CERT1: variants seen among roughly 807,000 people sequenced by gnomAD.
CERT1 encodes ceramide transporter 1.
A neutral mutation model predicts 87.9 loss-of-function variants in CERT1; 31 were observed. The observed-to-expected ratio is 0.35, with a 90% confidence interval of 0.27 to 0.48. The LOEUF is 0.48. Among genes scored for constraint, CERT1 ranks in the 20% least tolerant of loss-of-function variants. CERT1 has a pLI of 0.99. For synonymous variants in CERT1, 289 were observed against 250.9 expected (o/e 1.15, Z -1.44); for missense variants, 487 against 758.0 (o/e 0.64, Z 4.20).
intron 16 of CERT1, 100 bp downstream of exon 16, chr5:75,380,972 A>C (rs895522311): frequency 8.0e-7 from 1 of 1,245,154 alleles, no homozygotes; most frequent in African/African-American, 1.5e-5. Flanking sequence ...TAGTAATCTA[A>C]TGGATAAGAA....
chr5:75,379,563 T>C, intron 16 of CERT1, 90 bp from the exon 17 acceptor site: 1 of 1,192,800 alleles, frequency 8.4e-7, no homozygotes. Context: ...TTTTAAAATA[T>C]TCCTCACATT....
At chr5:75,392,786 G>A (rs529580151) in intron 11 of CERT1, among the ~76,000 whole-genome samples, 2 of 151,712 alleles carry the variant, frequency 1.3e-5, no homozygotes, top group Admixed American at 6.6e-5. Flanking sequence ...TGCCTAACAT[G>A]GTAAAACCCC....
chr5:75,478,389 T>C (rs1766072700), intron 2 of CERT1, among the ~76,000 whole-genome samples: 1 of 152,000 alleles, frequency 6.6e-6, no homozygotes, highest in African/African-American at 2.4e-5. Context: ...AAATTTTAGA[T>C]ATCTGAAAGC....
intron 2 of CERT1, among the ~76,000 whole-genome samples, chr5:75,503,917 A>ATTAAACATTTAT (rs1580866991): frequency 1.3e-5 from 2 of 150,656 alleles, no homozygotes; most frequent in Admixed American, 6.6e-5. Context: ...TTTAATTTAA[A>ATTAAACATTTAT]ATTTTCTTTT....
intron 11 of CERT1, among the ~76,000 whole-genome samples, chr5:75,398,044 A>C (rs1224716491): frequency 6.6e-6 from 1 of 152,200 alleles, no homozygotes; most frequent in East Asian, 1.9e-4. Flanking sequence ...AAATTAAAAA[A>C]AAATGCATAA....
intron 6 of CERT1, 99 bp from the exon 7 acceptor site, chr5:75,417,132 A>C: frequency 3.1e-6 from 3 of 961,322 alleles, no homozygotes; most frequent in Non-Finnish European, 4.5e-6. Flanking sequence ...AAGTCAGAGC[A>C]GGTTTTGGGA....
intron 2 of CERT1, among the ~76,000 whole-genome samples, chr5:75,468,057 T>G (rs911480041): frequency 6.6e-6 from 1 of 152,178 alleles, no homozygotes; most frequent in African/African-American, 2.4e-5. Context: ...CTTTAGAAAT[T>G]TTTGTATTTG....
chr5:75,451,170 T>C (rs543341297), intron 3 of CERT1, among the ~76,000 whole-genome samples: 14 of 152,308 alleles, frequency 9.2e-5, no homozygotes, highest in Non-Finnish European at 1.9e-4. Context: ...ACTATCTACA[T>C]TGTGGTGTTT....
chr5:75,444,070 A>T (rs1479072291), intron 3 of CERT1, among the ~76,000 whole-genome samples: 3 of 151,518 alleles, frequency 2.0e-5, no homozygotes, highest in Non-Finnish European at 2.9e-5. Context: ...ATAGTTGATC[A>T]TTTTTTTTGT....
chr5:75,486,316 T>TCA (rs1277444374), intron 2 of CERT1, among the ~76,000 whole-genome samples: 1 of 151,962 alleles, frequency 6.6e-6, no homozygotes, highest in African/African-American at 2.4e-5. Context: ...ATAAAAACCC[T>TCA]CACAAAACTG....
At chr5:75,474,413 A>G (rs1442021118) in intron 2 of CERT1, among the ~76,000 whole-genome samples, 2 of 152,110 alleles carry the variant, frequency 1.3e-5, no homozygotes, top group Admixed American at 1.3e-4. Context: ...CTACAGTTAC[A>G]GTTTGGTGAA....
intron 6 of CERT1, among the ~76,000 whole-genome samples, chr5:75,417,884 C>T (rs532881050): frequency 5.9e-5 from 9 of 152,296 alleles, no homozygotes; most frequent in Non-Finnish European, 1.0e-4. Context: ...TGGCTGGGCG[C>T]GGTGGCTCAC....
At chr5:75,389,473 T>C (rs1761945589) in intron 12 of CERT1, 119 bp downstream of exon 12, 3 of 722,216 alleles carry the variant, frequency 4.2e-6, no homozygotes, top group East Asian at 2.6e-5. Flanking sequence ...TTTGATCACA[T>C]GTAATAATTT....
At chr5:75,451,890 T>C (rs573548392) in intron 3 of CERT1, among the ~76,000 whole-genome samples, 1 of 152,308 alleles carries the variant, frequency 6.6e-6, no homozygotes, top group African/African-American at 2.4e-5. Flanking sequence ...AATATTTCAT[T>C]ATGGCAAAAG....
intron 3 of CERT1, among the ~76,000 whole-genome samples, chr5:75,430,434 G>T (rs1026463961): frequency 2.0e-5 from 3 of 152,118 alleles, no homozygotes; most frequent in African/African-American, 7.2e-5. Flanking sequence ...TCAAAAGCAT[G>T]TACTTCATGG....
chr5:75,440,496 T>C (rs1040343655), intron 3 of CERT1, among the ~76,000 whole-genome samples: 5 of 151,922 alleles, frequency 3.3e-5, no homozygotes, highest in Non-Finnish European at 5.9e-5. Flanking sequence ...TAATATCAAA[T>C]ATAGCAACTC....
intron 16 of CERT1, 42 bp from the exon 17 acceptor site, chr5:75,379,515 C>A: frequency 6.4e-7 from 1 of 1,570,630 alleles, no homozygotes; most frequent in Non-Finnish European, 8.7e-7. Flanking sequence ...AGATACAATT[C>A]TCCAAACATA....
At chr5:75,497,950 C>T (rs951208152) in intron 2 of CERT1, among the ~76,000 whole-genome samples, 8 of 152,242 alleles carry the variant, frequency 5.3e-5, no homozygotes, top group Middle Eastern at 3.4e-3. Context: ...TTCCTAGAGA[C>T]TTGTTGAATA....
At chr5:75,498,062 T>C (rs149714707) in intron 2 of CERT1, among the ~76,000 whole-genome samples, 2,471 of 152,302 alleles carry the variant, frequency 0.016, 23 homozygotes, top group Non-Finnish European at 0.026. Context: ...CAAAGGTGAC[T>C]CTTGTTATGC....
Sources: gnomAD v4.1 joint callset for allele counts (sites outside exome capture counted in the v4.1 genomes callset) on GRCh38, gnomAD v4.1.1 for gene constraint, MANE v1.5 for transcripts, NCBI Gene and HGNC (gene_info 2026-07-23, HGNC 2026-07-21) for gene names.